CAMK1D: variants seen among roughly 807,000 people sequenced by gnomAD.
CAMK1D encodes the protein calcium/calmodulin dependent protein kinase ID.
A neutral mutation model predicts 47.7 loss-of-function variants in CAMK1D; 9 were observed. The observed-to-expected ratio is 0.19, with a 90% CI of 0.11 to 0.33. CAMK1D has a LOEUF of 0.33. CAMK1D is among the 10% of genes least tolerant of loss of function. CAMK1D has a pLI of 1.00. For missense variants in CAMK1D, 291 were observed against 488.7 expected (o/e 0.60, Z 3.81); for synonymous variants, 184 against 184.9 (o/e 0.99, Z 0.04).
chr10:12,788,616 G>A (rs1837839859), intron 5 of CAMK1D, among the ~76,000 whole-genome samples: 1 of 152,234 alleles, frequency 6.6e-6, no homozygotes, highest in Admixed American at 6.5e-5. Flanking sequence ...ACGCCTCTGT[G>A]CCTGTTTGGC....
intron 1 of CAMK1D, among the ~76,000 whole-genome samples, chr10:12,503,004 G>T (rs975216360): frequency 2.0e-5 from 3 of 152,040 alleles, no homozygotes; most frequent in Admixed American, 2.0e-4. Context: ...CAGGCTGTTC[G>T]CATGCACGCG....
At chr10:12,617,204 C>G (rs1024659150) in intron 2 of CAMK1D, among the ~76,000 whole-genome samples, 7 of 152,120 alleles carry the variant, frequency 4.6e-5, no homozygotes, top group Admixed American at 1.3e-4. Flanking sequence ...CCAAAGGAAT[C>G]GTGACTGTTA....
At position 12,409,785 on chromosome 10, in the gene CAMK1D, A is replaced by C. The variant is rs371529280; in HGVS notation, c.92+59875A>C. Among the ~76,000 whole-genome samples the C allele has an allele frequency of 1.1e-3, 165 of 152,316 alleles. 1 individual carries two copies. The highest frequency in any genetic ancestry group is 3.8e-3 in the African/African-American group (156 of 41,566). On this transcript the variant is annotated intron_variant, in intron 1 of 10. Coordinates refer to ENST00000619168, the MANE Select transcript of CAMK1D (RefSeq NM_153498.4). ...AAGTACGTCCACAGCATTGTGCAAT[A>C]ATCTCCACTTTCTGTTTTCAAAATT...
intron 2 of CAMK1D, among the ~76,000 whole-genome samples, chr10:12,650,368 C>T (rs554673818): frequency 1.6e-4 from 24 of 152,364 alleles, no homozygotes; most frequent in South Asian, 4.1e-4. Flanking sequence ...GGCTCTCTGG[C>T]AGGACATTGG....
chr10:12,405,486 A>G (rs1411774356), intron 1 of CAMK1D, among the ~76,000 whole-genome samples: 3 of 152,178 alleles, frequency 2.0e-5, no homozygotes, highest in Non-Finnish European at 4.4e-5. Context: ...GTTTGCTTAG[A>G]CTTTCTGTGT....
At chr10:12,463,945 C>G (rs985190495) in intron 1 of CAMK1D, among the ~76,000 whole-genome samples, 4 of 152,062 alleles carry the variant, frequency 2.6e-5, no homozygotes, top group African/African-American at 9.7e-5. Flanking sequence ...AAGAAGATGC[C>G]TTGCTTCCCC....
chr10:12,814,817 A>G (rs911776432), intron 7 of CAMK1D, among the ~76,000 whole-genome samples: 1 of 152,252 alleles, frequency 6.6e-6, no homozygotes. Context: ...AGAAAGCTTC[A>G]TGAGCTACAT....
At chr10:12,826,377 A>G (rs931095949) in intron 10 of CAMK1D, among the ~76,000 whole-genome samples, 1 of 152,190 alleles carries the variant, frequency 6.6e-6, no homozygotes, top group Non-Finnish European at 1.5e-5. Flanking sequence ...TCCATAATGT[A>G]TATATTTTGG....
chr10:12,380,131 T>C (rs1245607955), intron 1 of CAMK1D, among the ~76,000 whole-genome samples: 1 of 151,688 alleles, frequency 6.6e-6, no homozygotes, highest in Non-Finnish European at 1.5e-5. Context: ...AAGAGAATGG[T>C]GTGAACCTGG....
chr10:12,374,745 C>T (rs943305271), intron 1 of CAMK1D, among the ~76,000 whole-genome samples: 10 of 151,958 alleles, frequency 6.6e-5, no homozygotes, highest in African/African-American at 2.4e-4. Context: ...AGTTTGAGAC[C>T]AGCCTGGCCA....
intron 3 of CAMK1D, among the ~76,000 whole-genome samples, chr10:12,676,317 C>G (rs1840808196): frequency 6.6e-6 from 1 of 152,172 alleles, no homozygotes; most frequent in African/African-American, 2.4e-5. Context: ...CCAAATGTCA[C>G]CTGTTCACTG....
intron 8 of CAMK1D, among the ~76,000 whole-genome samples, chr10:12,819,354 T>G (rs1017400752): frequency 9.2e-5 from 14 of 152,202 alleles, no homozygotes; most frequent in African/African-American, 3.4e-4. Context: ...ACACATGGTA[T>G]TCCAGAGTAG....
At chr10:12,565,882 G>C (rs1367314360) in intron 2 of CAMK1D, among the ~76,000 whole-genome samples, 1 of 151,910 alleles carries the variant, frequency 6.6e-6, no homozygotes, top group African/African-American at 2.4e-5. Flanking sequence ...GCTTCTCCTT[G>C]ATATAGGCAA....
At chr10:12,777,890 G>A (rs4750258) in intron 5 of CAMK1D, among the ~76,000 whole-genome samples, 35,323 of 152,212 alleles carry the variant, frequency 0.23, 4,594 homozygotes, top group Middle Eastern at 0.34. Flanking sequence ...TTCCATCTGA[G>A]CAGGGCAGAG....
intron 1 of CAMK1D, among the ~76,000 whole-genome samples, chr10:12,549,852 C>A (rs1403839137): frequency 6.6e-6 from 1 of 152,238 alleles, no homozygotes. Flanking sequence ...AGTGCTGGCT[C>A]TGAGGAGACC....
rs544807804 is a variant in CAMK1D at position 12,710,959 on chromosome 10, C to A, written c.299+44149C>A. On this transcript the variant is annotated intron_variant, in intron 3 of 10. Coordinates refer to ENST00000619168, the MANE Select transcript of CAMK1D (RefSeq NM_153498.4). Reference sequence around the variant, plus strand: ...TCAGACTATATACCATGGATCTTTGCTGGGTGGATTAAGGTTTTGAATGTA... The same window carrying A: ...TCAGACTATATACCATGGATCTTTGATGGGTGGATTAAGGTTTTGAATGTA... 4.7e-4 allele frequency among the ~76,000 whole-genome samples: 71 copies of A among 152,288 alleles called. No individual in the cohort carries two copies. In the Middle Eastern group the frequency reaches 0.014, roughly 29 times the overall value.
At chr10:12,737,622 C>T (rs1326176949) in intron 3 of CAMK1D, among the ~76,000 whole-genome samples, 1 of 152,176 alleles carries the variant, frequency 6.6e-6, no homozygotes, top group East Asian at 1.9e-4. Flanking sequence ...ACCCACTGCT[C>T]TGCCATCCCT....
chr10:12,714,398 A>C (rs1235105048), intron 3 of CAMK1D, among the ~76,000 whole-genome samples: 2 of 151,762 alleles, frequency 1.3e-5, no homozygotes, highest in Non-Finnish European at 2.9e-5. Context: ...ATAATTTTAA[A>C]ATAAAAAGTA....
chr10:12,675,497 C>T (rs1221105527), intron 3 of CAMK1D, among the ~76,000 whole-genome samples: 2 of 152,228 alleles, frequency 1.3e-5, no homozygotes, highest in African/African-American at 2.4e-5. Context: ...CTTGACTTAT[C>T]CTTTTCTCTT....
Sources: allele counts gnomAD v4.1 joint callset (sites outside exome capture counted in the v4.1 genomes callset), GRCh38; gene constraint gnomAD v4.1.1; transcripts MANE v1.5; gene names NCBI Gene and HGNC (gene_info 2026-07-23, HGNC 2026-07-21).